SLIT3: variants seen among roughly 807,000 people sequenced by gnomAD.
SLIT3 encodes slit guidance ligand 3, also known as slit homolog 3 protein.
In SLIT3, 68 loss-of-function variants were observed where a neutral mutation model predicts 184.0. That is an observed-to-expected ratio of 0.37 (90% CI 0.30 to 0.45). SLIT3 has a LOEUF of 0.45. SLIT3 is among the 20% of genes least tolerant of loss of function. The pLI is 1.00. For synonymous variants in SLIT3, 831 were observed against 828.6 expected (o/e 1.00, Z -0.05); for missense variants, 1,707 against 2,026.0 (o/e 0.84, Z 3.02).
At chr5:168,975,753 C>T (rs1346496254) in intron 4 of SLIT3, among the ~76,000 whole-genome samples, 1 of 152,164 alleles carries the variant, frequency 6.6e-6, no homozygotes, top group East Asian at 1.9e-4. Context: ...CTCTAGAAAC[C>T]TGTTCCTCAC....
At chr5:169,246,236 A>C (rs1432679744) in intron 2 of SLIT3, among the ~76,000 whole-genome samples, 1 of 152,206 alleles carries the variant, frequency 6.6e-6, no homozygotes, top group Admixed American at 6.5e-5. Flanking sequence ...CCCCAGCCCC[A>C]CAGTTTGCCA....
At chr5:169,177,245 G>T (rs1209534143) in intron 4 of SLIT3, among the ~76,000 whole-genome samples, 4 of 152,172 alleles carry the variant, frequency 2.6e-5, no homozygotes, top group Non-Finnish European at 5.9e-5. Flanking sequence ...TTACAACAGG[G>T]AAGTAAACAG....
chr5:168,688,380 C>T lies in SLIT3; in HGVS notation c.3177-1264G>A, dbSNP rs1164724900. On this transcript the variant is annotated intron_variant, in intron 29 of 35. Transcript: ENST00000519560. Reference sequence around the variant, plus strand: ...ACTCTTAGATTGTCTAATAAGCAGCCCCACGGAAGAATCAGGGCAAAGGGA... The same window carrying T: ...ACTCTTAGATTGTCTAATAAGCAGCTCCACGGAAGAATCAGGGCAAAGGGA... 1.2e-4 allele frequency among the ~76,000 whole-genome samples: 19 copies of T among 152,202 alleles called. No homozygotes were observed. In the East Asian group the frequency reaches 3.7e-3, roughly 29 times the overall value.
At chr5:169,200,425 C>T (rs557951769) in intron 3 of SLIT3, among the ~76,000 whole-genome samples, 1 of 152,294 alleles carries the variant, frequency 6.6e-6, no homozygotes, top group East Asian at 1.9e-4. Flanking sequence ...TCACATGTCT[C>T]AACAACAAGA....
At chr5:169,136,652 G>A (rs6881450) in intron 4 of SLIT3, among the ~76,000 whole-genome samples, 3 of 151,994 alleles carry the variant, frequency 2.0e-5, no homozygotes, top group African/African-American at 4.8e-5. Flanking sequence ...ATCTTTCAAC[G>A]CCTAAAAACA....
chr5:169,089,485 C>T, intron 4 of SLIT3, among the ~76,000 whole-genome samples: 1 of 152,162 alleles, frequency 6.6e-6, no homozygotes, highest in Non-Finnish European at 1.5e-5. Flanking sequence ...TAGCTATTAG[C>T]CTAGAATACA....
Position 168,666,536 on chromosome 5 carries a change from T to A in SLIT3, c.4490A>T (p.Tyr1497Phe), listed in dbSNP as rs1394934951. Residue 1497 changes from tyrosine (Y) to phenylalanine (F), a missense_variant, in exon 36 of 36, where the codon TAC (tyrosine) becomes TTC (phenylalanine). Around this residue, in one of 3 missense-constraint regions of SLIT3, gnomAD observed 387 missense variants for 477.9 expected, o/e 0.81. Coordinates refer to ENST00000519560, the MANE Select transcript of SLIT3 (RefSeq NM_003062.4). ...GGAGCCGTCCGTGCACTGGAAGACGTATTTCCGCCGCTTGCTGCGGGTGGG... is the reference window on the plus strand; with the variant it reads ...GGAGCCGTCCGTGCACTGGAAGACGAATTTCCGCCGCTTGCTGCGGGTGGG... ...CQPTRSKRRKYVFQCTDGSSF... is the reference protein window; with the variant it reads ...CQPTRSKRRKFVFQCTDGSSF... 1 of 1,613,382 alleles carries A rather than the reference T, an allele frequency of 6.2e-7. No homozygotes were observed. Among genetic ancestry groups the A allele is most frequent in the Non-Finnish European group, 8.5e-7 (1 of 1,179,846 alleles).
intron 4 of SLIT3, among the ~76,000 whole-genome samples, chr5:168,998,476 C>A (rs377070593): frequency 2.6e-5 from 4 of 152,042 alleles, no homozygotes; most frequent in Non-Finnish European, 4.4e-5. Flanking sequence ...GAGGCTGAGG[C>A]GGGCAGATCA....
intron 3 of SLIT3, among the ~76,000 whole-genome samples, chr5:169,197,360 A>G (rs998445742): frequency 2.0e-5 from 3 of 152,158 alleles, no homozygotes; most frequent in South Asian, 2.1e-4. Flanking sequence ...GGATTTACTC[A>G]TATTTACTGA....
At chr5:168,810,278 C>G (rs1414188044) in intron 8 of SLIT3, among the ~76,000 whole-genome samples, 1 of 152,228 alleles carries the variant, frequency 6.6e-6, no homozygotes, top group Non-Finnish European at 1.5e-5. Flanking sequence ...ATGAAAGCAT[C>G]TGTCTGCATG....
intron 4 of SLIT3, among the ~76,000 whole-genome samples, chr5:168,967,471 G>A (rs1178270138): frequency 1.3e-3 from 10 of 7,536 alleles, no homozygotes; most frequent in African/African-American, 3.7e-3. Context: ...ACGGAGTCTC[G>A]CTCTGTCGCC....
intron 1 of SLIT3, among the ~76,000 whole-genome samples, chr5:169,254,225 G>T (rs764850401): frequency 1.3e-5 from 2 of 152,200 alleles, no homozygotes; most frequent in African/African-American, 4.8e-5. Context: ...CAACACACGC[G>T]GTTAGAAATG....
chr5:168,849,802 C>CGGA (rs753230164), intron 5 of SLIT3, among the ~76,000 whole-genome samples: 6 of 152,032 alleles, frequency 3.9e-5, no homozygotes, highest in Admixed American at 1.3e-4. Context: ...TTTTTCTAGA[C>CGGA]GGAGGAGAAA....
intron 4 of SLIT3, among the ~76,000 whole-genome samples, chr5:168,910,549 C>T (rs1761218488): frequency 6.6e-6 from 1 of 152,018 alleles, no homozygotes; most frequent in African/African-American, 2.4e-5. Context: ...GGAGACCATC[C>T]TGGCGAACAC....
rs1289629550 is a variant in SLIT3, at chr5:169,300,597, C to T, written c.113G>A (p.Cys38Tyr). The change falls in exon 1 of 36, where the codon TGT becomes TAT. Residue 38 changes from cysteine to tyrosine, a missense_variant. Around this residue, in one of 3 missense-constraint regions of SLIT3, gnomAD observed 1,307 missense variants for 1,511.6 expected, o/e 0.86. Coordinates refer to ENST00000519560, the MANE Select transcript of SLIT3 (RefSeq NM_003062.4). The surrounding 1 kb of genome is among the most constrained non-coding windows in gnomAD (Gnocchi z 4.1). ...GTCCACGCTGGCAGCGGAGCAGGTA[C>T]ACTTGGTGGGGCAGGCGACGGCTGG... ...GPPAVACPTK[C>Y]TCSAASVDCH... is the part of the protein sequence containing the mutation. 2.0e-6 allele frequency: 3 copies of T among 1,509,772 alleles called. No individual in the cohort carries two copies. The highest frequency in any genetic ancestry group is 1.2e-5 in the South Asian group (1 of 81,168). The allele number at this position is 1,509,772 out of a possible 1,614,324, so 93.5% of individuals were successfully genotyped here.
intron 1 of SLIT3, among the ~76,000 whole-genome samples, chr5:169,259,604 G>T (rs1766095246): frequency 6.6e-6 from 1 of 152,176 alleles, no homozygotes; most frequent in Non-Finnish European, 1.5e-5. Context: ...AGAAGATCAG[G>T]TCTCAACATG....
In SLIT3 at chr5:169,042,768, A is replaced by G. The variant is rs10071970; in HGVS notation, c.413+150711T>C. Among the ~76,000 whole-genome samples, 620 of 152,320 alleles carry G rather than the reference A, an allele frequency of 4.1e-3. 5 individuals are homozygous for G. The highest frequency in any genetic ancestry group is 0.014 in the African/African-American group (590 of 41,570). On this transcript the variant is annotated intron_variant, in intron 4 of 35. Coordinates refer to ENST00000519560, the MANE Select transcript of SLIT3 (RefSeq NM_003062.4). ...ATCAAACTGTTTTTTAAGTAGAGGT[A>G]AGAGATGAGGGTGCTGGGCTTGGGA...
At chr5:169,044,599 T>TGGG (rs1581345949) in intron 4 of SLIT3, among the ~76,000 whole-genome samples, 1 of 100,752 alleles carries the variant, frequency 9.9e-6, no homozygotes, top group Admixed American at 1.2e-4. Context: ...GGGGGGGGGA[T>TGGG]GGGGAGAAAT....
At chr5:169,093,024 TTTTA>T (rs2113208210) in intron 4 of SLIT3, among the ~76,000 whole-genome samples, 1 of 152,320 alleles carries the variant, frequency 6.6e-6, no homozygotes, top group Non-Finnish European at 1.5e-5. Flanking sequence ...TTTCAATATT[TTTTA>T]TTTCTGTCAC....
Sources: allele counts gnomAD v4.1 joint callset (sites outside exome capture counted in the v4.1 genomes callset), GRCh38; gene constraint gnomAD v4.1.1; regional missense constraint gnomAD v4.1.1; non-coding constraint Gnocchi (gnomAD v3.1); transcripts MANE v1.5; gene names NCBI Gene and HGNC (gene_info 2026-07-23, HGNC 2026-07-21).